The following CCDC180 variants were observed in gnomAD, a reference collection of about 807,000 sequenced individuals.
CCDC180 encodes the protein coiled-coil domain-containing protein 180.
Under a neutral mutation model 209.2 loss-of-function variants are expected in CCDC180, and 154 were observed. The ratio of observed to expected loss-of-function variants is 0.74; its 90% confidence interval spans 0.65 to 0.84. The LOEUF (loss-of-function observed/expected upper bound fraction) is 0.84, where lower values mean the gene tolerates loss of function less well. CCDC180 is among the 40% of genes least tolerant of loss of function. The pLI, the probability that CCDC180 is intolerant of heterozygous loss-of-function variation, is 0.00. For synonymous variants in CCDC180, 778 were observed against 749.1 expected, an observed-to-expected ratio of 1.04 and a Z score of -0.63; for missense variants, 1,874 against 1,997.3, an observed-to-expected ratio of 0.94 and a Z score of 1.18.
chr9:97,368,406 A>G (rs1427619256), intron 31 of CCDC180, among the ~76,000 whole-genome samples: 1 of 152,214 alleles, frequency 6.6e-6, no homozygotes, highest in African/African-American at 2.4e-5. Flanking sequence ...TGGGAAGTCT[A>G]AAAGGAGCAA....
chr9:97,331,267 G>A (rs956043143), intron 18 of CCDC180, among the ~76,000 whole-genome samples: 2 of 152,120 alleles, frequency 1.3e-5, no homozygotes, highest in Non-Finnish European at 2.9e-5. Flanking sequence ...TTTTATGGTT[G>A]CATAGTATCC....
intron 18 of CCDC180, among the ~76,000 whole-genome samples, chr9:97,343,094 T>C (rs1201512192): frequency 1.1e-4 from 17 of 152,210 alleles, no homozygotes; most frequent in Non-Finnish European, 1.5e-5. Flanking sequence ...AGATGCCATG[T>C]GGGAATGCAG....
intron 4 of CCDC180, 46 bp downstream of exon 4, chr9:97,312,247 T>C (rs2118531169): frequency 6.5e-7 from 1 of 1,542,544 alleles, no homozygotes; most frequent in Non-Finnish European, 9.0e-7. Context: ...TGGGCCAGGA[T>C]GAGACCTGGG....
intron 25 of CCDC180, among the ~76,000 whole-genome samples, chr9:97,359,297 C>T (rs1363381423): frequency 6.6e-6 from 1 of 152,234 alleles, no homozygotes; most frequent in East Asian, 1.9e-4. Flanking sequence ...CTGCTCTGTC[C>T]TCTCCTGTTA....
At chr9:97,362,480 C>T (rs1472582956) in intron 28 of CCDC180, 39 bp downstream of exon 28, 2 of 1,595,550 alleles carry the variant, frequency 1.3e-6, no homozygotes, top group South Asian at 1.1e-5. Flanking sequence ...CTTCCCAGTC[C>T]ATCCCCCCAC....
At chr9:97,308,384 C>A (rs529540184) in intron 2 of CCDC180, among the ~76,000 whole-genome samples, 24 of 152,230 alleles carry the variant, frequency 1.6e-4, no homozygotes, top group Non-Finnish European at 2.2e-4. Context: ...TGGATGGAAC[C>A]ACTGGGTGAC....
intron 32 of CCDC180, 77 bp downstream of exon 32, chr9:97,370,159 C>A: frequency 6.7e-7 from 1 of 1,491,868 alleles, no homozygotes; most frequent in Non-Finnish European, 9.1e-7. Flanking sequence ...AGGTTGTGGG[C>A]AGGGCCAAGT....
At chr9:97,355,265 C>A (rs943633983) in intron 24 of CCDC180, among the ~76,000 whole-genome samples, 1 of 152,166 alleles carries the variant, frequency 6.6e-6, no homozygotes, top group East Asian at 1.9e-4. Flanking sequence ...AGAGATCCTC[C>A]AGCCTCAGTC....
chr9:97,324,934 A>C, intron 13 of CCDC180, 85 bp from the exon 14 acceptor site: 1 of 1,302,436 alleles, frequency 7.7e-7, no homozygotes. Context: ...CAGTCGTTAG[A>C]GACAGGGGGT....
chr9:97,316,089 C>T (rs1469646217), intron 8 of CCDC180, among the ~76,000 whole-genome samples: 2 of 152,128 alleles, frequency 1.3e-5, no homozygotes, highest in African/African-American at 4.8e-5. Context: ...CTGAGATCAG[C>T]GAGGGCTCCT....
intron 11 of CCDC180, among the ~76,000 whole-genome samples, chr9:97,321,029 C>T (rs1297702650): frequency 6.6e-6 from 1 of 152,142 alleles, no homozygotes; most frequent in Non-Finnish European, 1.5e-5. Flanking sequence ...CCTGGCAATG[C>T]TGGGCAACGG....
In CCDC180 at chr9:97,307,976, A is replaced by C; in HGVS notation, c.-81-7A>C. ...TGAGTTTGGGACGGGCGATTTCCCA[A>C]CCTCAGGAATTGGAATTGAGACACC... On this transcript the variant is annotated splice_polypyrimidine_tract_variant and splice_region_variant and intron_variant, in intron 1 of 36. Coordinates refer to ENST00000529487, the MANE Select transcript of CCDC180 (RefSeq NM_020893.6). 11 of 1,586,558 alleles carry C rather than the reference A, an allele frequency of 6.9e-6. No individual in the cohort carries two copies. Among genetic ancestry groups the C allele is most frequent in the Admixed American group, 1.8e-5 (1 of 56,764 alleles).
intron 18 of CCDC180, among the ~76,000 whole-genome samples, chr9:97,339,467 A>G (rs1156399477): frequency 6.6e-6 from 1 of 152,154 alleles, no homozygotes; most frequent in African/African-American, 2.4e-5. Flanking sequence ...CTTTTCTTTA[A>G]GAATATTGAA....
chr9:97,319,752 CAT>C (rs1330817724), intron 10 of CCDC180, among the ~76,000 whole-genome samples: 1 of 152,142 alleles, frequency 6.6e-6, no homozygotes, highest in African/African-American at 2.4e-5. Flanking sequence ...TTTAAATCAT[CAT>C]GTGTGTTTAT....
At chr9:97,374,490 C>T (rs1190074481) in intron 34 of CCDC180, 53 bp from the exon 35 acceptor site, 13 of 1,390,376 alleles carry the variant, frequency 9.3e-6, no homozygotes, top group East Asian at 2.3e-5. Context: ...GGAAATCCCT[C>T]GATCTCAGGC....
chr9:97,358,337 T>C (rs1297889371), intron 25 of CCDC180, among the ~76,000 whole-genome samples: 1 of 152,046 alleles, frequency 6.6e-6, no homozygotes, highest in African/African-American at 2.4e-5. Context: ...GCCAGGCTGG[T>C]CTCAAAACTC....
intron 15 of CCDC180, among the ~76,000 whole-genome samples, chr9:97,327,015 A>G (rs1003315931): frequency 1.3e-5 from 2 of 152,150 alleles, no homozygotes; most frequent in Non-Finnish European, 2.9e-5. Flanking sequence ...CTAAAAATAC[A>G]AGAATTAGCC....
chr9:97,311,536 G>C (rs779186752), intron 3 of CCDC180, among the ~76,000 whole-genome samples: 1 of 152,152 alleles, frequency 6.6e-6, no homozygotes, highest in East Asian at 1.9e-4. Flanking sequence ...CCACCCTGCT[G>C]GTCCTCCCTG....
Position 97,370,925 on chromosome 9 carries a change from A to G in CCDC180, c.4488+147A>G, listed in dbSNP as rs545151390. 2.4e-4 allele frequency: 110 copies of G among 463,134 alleles called. 2 individuals carry two copies. In the South Asian group the frequency reaches 5.0e-3, roughly 21 times the overall value. The allele number at this position is 463,134 out of a possible 1,614,324, so 28.7% of individuals were successfully genotyped here. Reference sequence around the variant, plus strand: ...TTGGGTTTTGTAGGTAAAAATGGCCATTATTGGCTGTTTTAACTTGTATAC... The same window carrying G: ...TTGGGTTTTGTAGGTAAAAATGGCCGTTATTGGCTGTTTTAACTTGTATAC... On this transcript the variant is annotated intron_variant, in intron 33 of 36. Transcript: ENST00000529487.
Sources: gnomAD v4.1 joint callset for allele counts (sites outside exome capture counted in the v4.1 genomes callset) on GRCh38, gnomAD v4.1.1 for gene constraint, MANE v1.5 for transcripts, NCBI Gene and HGNC (gene_info 2026-07-23, HGNC 2026-07-21) for gene names.